The following KCNH7 variants were observed in gnomAD, a reference collection of about 807,000 sequenced individuals.
The protein encoded by KCNH7 is potassium voltage-gated channel subfamily H member 7.
A neutral mutation model predicts 120.8 loss-of-function variants in KCNH7; 49 were observed. The observed-to-expected ratio is 0.41, with a 90% CI of 0.32 to 0.51. The LOEUF (loss-of-function observed/expected upper bound fraction) is 0.51. Among genes scored for constraint, KCNH7 ranks in the 20% least tolerant of loss-of-function variants. The probability of loss-of-function intolerance (pLI) is 0.38; values close to 1 mark genes in which losing one functional copy is unlikely to be tolerated. For synonymous variants in KCNH7, 547 were observed against 516.1 expected (o/e 1.06, Z -0.81); for missense variants, 1,097 against 1,446.6 (o/e 0.76, Z 3.92).
chr2:162,520,320 T>C (rs2105790549), intron 3 of KCNH7, among the ~76,000 whole-genome samples: 1 of 151,768 alleles, frequency 6.6e-6, no homozygotes, highest in African/African-American at 2.4e-5. Flanking sequence ...CTCCTGAATA[T>C]CTGTTTTCAT....
intron 2 of KCNH7, among the ~76,000 whole-genome samples, chr2:162,761,299 C>T (rs1688958412): frequency 6.6e-6 from 1 of 152,062 alleles, no homozygotes; most frequent in African/African-American, 2.4e-5. Flanking sequence ...GGCTTAGCAA[C>T]ATTTCCACCT....
chr2:162,624,154 A>T (rs1232724896), intron 2 of KCNH7, among the ~76,000 whole-genome samples: 3 of 152,114 alleles, frequency 2.0e-5, no homozygotes, highest in Admixed American at 6.5e-5. Flanking sequence ...TGACTCAATG[A>T]CCCAGGATCA....
rs1000284979 is a variant in KCNH7, at chr2:162,767,575, GT to G, written c.307+68961del. 5.9e-5 allele frequency among the ~76,000 whole-genome samples: 9 copies of G among 151,946 alleles called. No individual in the cohort carries two copies. In the East Asian group the frequency reaches 9.7e-4, roughly 16 times the overall value. On this transcript the variant is annotated intron_variant, in intron 2 of 15. Coordinates refer to ENST00000332142, the MANE Select transcript of KCNH7 (RefSeq NM_033272.4). The stretch of plus-strand genomic sequence containing the variant: ...GATGTAAATTTTAAAGTATACATCC[GT>G]TTTTTCCCCCAGATTCTGCTAAAAT...
At chr2:162,587,253 T>C (rs1449688051) in intron 2 of KCNH7, among the ~76,000 whole-genome samples, 1 of 152,080 alleles carries the variant, frequency 6.6e-6, no homozygotes, top group Non-Finnish European at 1.5e-5. Context: ...TTTGGGTAGG[T>C]ATTATAAGGT....
chr2:162,574,405 A>C (rs761344516), intron 2 of KCNH7, among the ~76,000 whole-genome samples: 1 of 151,984 alleles, frequency 6.6e-6, no homozygotes, highest in Non-Finnish European at 1.5e-5. Context: ...TTTGTAAAAA[A>C]AAAAAGAGAA....
rs894023630 is a variant in KCNH7 at position 162,722,813 on chromosome 2, C to CTTTTTTTTTTTTTTTTTTTTTTT, written c.307+113723_307+113724insAAAAAAAAAAAAAAAAAAAAAAA. Among the ~76,000 whole-genome samples the CTTTTTTTTTTTTTTTTTTTTTTT allele has an allele frequency of 8.1e-4, 69 of 85,100 alleles. 3 individuals are homozygous for CTTTTTTTTTTTTTTTTTTTTTTT. Among genetic ancestry groups the CTTTTTTTTTTTTTTTTTTTTTTT allele is most frequent in the Middle Eastern group, 7.0e-3 (1 of 142 alleles). 55.8% of individuals were successfully genotyped at this position (85,100 alleles called of 152,430 possible). ...AATCCTTTTCATTCATTCTTTTTTT[C>CTTTTTTTTTTTTTTTTTTTTTTT]TTTTTTTTTTTTTTTTTTGCTTCTC... On this transcript the variant is annotated intron_variant, in intron 2 of 15. Coordinates refer to ENST00000332142, the MANE Select transcript of KCNH7 (RefSeq NM_033272.4).
chr2:162,394,592 C>G, intron 11 of KCNH7, 107 bp from the exon 12 acceptor site: 1 of 672,652 alleles, frequency 1.5e-6, no homozygotes, highest in South Asian at 1.9e-5. Flanking sequence ...CATCTTGAGA[C>G]TTAATTATTA....
intron 2 of KCNH7, among the ~76,000 whole-genome samples, chr2:162,639,214 C>G (rs779522688): frequency 3.9e-5 from 6 of 152,120 alleles, no homozygotes; most frequent in Admixed American, 3.9e-4. Flanking sequence ...TTATCTAACA[C>G]TAACAGTGAT....
chr2:162,542,251 A>ATTATTATTATTATTTTTAATAATATAT (rs1244321599), intron 2 of KCNH7, among the ~76,000 whole-genome samples: 9 of 138,242 alleles, frequency 6.5e-5, no homozygotes, highest in Non-Finnish European at 1.1e-4. Context: ...GCTTCTTTTT[A>ATTATTATTATTATTTTTAATAATATAT]TTATTATTAT....
In KCNH7 at chr2:162,594,585, G is replaced by A. The variant is rs577263918; in HGVS notation, c.308-57505C>T. Among the ~76,000 whole-genome samples the A allele has an allele frequency of 2.6e-5, 4 of 152,060 alleles. No individual in the cohort carries two copies. In the South Asian group the frequency reaches 8.3e-4, roughly 32 times the overall value. ...AAAACACAGTTAGCCCTTCATATCT[G>A]TTGGTTCCACATCCATAGATTAAGT... On this transcript the variant is annotated intron_variant, in intron 2 of 15. Coordinates refer to ENST00000332142, the MANE Select transcript of KCNH7 (RefSeq NM_033272.4).
intron 2 of KCNH7, among the ~76,000 whole-genome samples, chr2:162,793,108 A>T (rs1471618490): frequency 6.6e-6 from 1 of 151,982 alleles, no homozygotes. Flanking sequence ...ATGGAATACT[A>T]TGCAGCCATA....
intron 3 of KCNH7, among the ~76,000 whole-genome samples, chr2:162,530,973 G>C (rs942789439): frequency 6.6e-5 from 10 of 151,882 alleles, no homozygotes; most frequent in African/African-American, 2.4e-4. Context: ...AGGAAATCTA[G>C]GTCATATAAT....
At chr2:162,527,000 A>G (rs1265160877) in intron 3 of KCNH7, among the ~76,000 whole-genome samples, 4 of 151,988 alleles carry the variant, frequency 2.6e-5, no homozygotes, top group East Asian at 1.9e-4. Context: ...TTCACAATCC[A>G]CGTTCTTCTG....
intron 6 of KCNH7, among the ~76,000 whole-genome samples, chr2:162,484,902 C>A (rs971288326): frequency 6.6e-6 from 1 of 152,136 alleles, no homozygotes; most frequent in African/African-American, 2.4e-5. Flanking sequence ...GAGGCCCTCA[C>A]CAGATGCAGA....
At chr2:162,779,205 G>A (rs1220842574) in intron 2 of KCNH7, among the ~76,000 whole-genome samples, 4 of 151,614 alleles carry the variant, frequency 2.6e-5, no homozygotes, top group East Asian at 1.9e-4. Context: ...TTGTTTGTTT[G>A]TTTGTTTGTT....
chr2:162,647,559 A>T (rs1053976611), intron 2 of KCNH7, among the ~76,000 whole-genome samples: 6 of 152,146 alleles, frequency 3.9e-5, no homozygotes, highest in Non-Finnish European at 5.9e-5. Context: ...TGAATCGCGA[A>T]GGTGGTTTCC....
In KCNH7 at chr2:162,618,258, C is replaced by T. The variant is rs75666488; in HGVS notation, c.308-81178G>A. ...CTTTCTCTTCTTATTTAGTCTCAGG[C>T]CTCTTTATTTTGTAAATGAGAAATA... is the stretch of plus-strand genomic sequence containing the variant. On this transcript the variant is annotated intron_variant, in intron 2 of 15. Coordinates refer to ENST00000332142, the MANE Select transcript of KCNH7 (RefSeq NM_033272.4). 2.2e-3 allele frequency among the ~76,000 whole-genome samples: 340 copies of T among 151,902 alleles called. 4 individuals carry two copies. In the East Asian group the frequency reaches 0.055, roughly 25 times the overall value.
At chr2:162,656,801 T>G (rs1266903988) in intron 2 of KCNH7, among the ~76,000 whole-genome samples, 1 of 152,070 alleles carries the variant, frequency 6.6e-6, no homozygotes, top group African/African-American at 2.4e-5. Flanking sequence ...AAAGGAAAAA[T>G]GCAGAGATTT....
At chr2:162,373,917 A>G (rs1209117546) in intron 14 of KCNH7, among the ~76,000 whole-genome samples, 1 of 152,210 alleles carries the variant, frequency 6.6e-6, no homozygotes, top group Non-Finnish European at 1.5e-5. Flanking sequence ...AATAGACTAC[A>G]TGTTTACTAA....
Sources: allele counts gnomAD v4.1 joint callset (sites outside exome capture counted in the v4.1 genomes callset), GRCh38; gene constraint gnomAD v4.1.1; transcripts MANE v1.5; gene names NCBI Gene and HGNC (gene_info 2026-07-23, HGNC 2026-07-21).